NCKAP5: variants seen among roughly 807,000 people sequenced by gnomAD.
The protein encoded by NCKAP5 is NCK associated protein 5.
In NCKAP5, 92 loss-of-function variants were observed where a neutral mutation model predicts 167.0. The observed-to-expected ratio is 0.55, with a 90% CI of 0.47 to 0.66. NCKAP5 has a LOEUF of 0.66. Ranked by LOEUF, NCKAP5 falls within the 30% of genes least tolerant of loss-of-function variation. The probability of loss-of-function intolerance (pLI) is 0.00; values close to 1 mark genes in which losing one functional copy is unlikely to be tolerated. For missense variants in NCKAP5, 2,378 were observed against 2,315.0 expected (o/e 1.03, Z -0.56); for synonymous variants, 891 against 877.4 (o/e 1.02, Z -0.27).
chr2:132,974,106 A>G (rs2076909662), intron 7 of NCKAP5, among the ~76,000 whole-genome samples: 1 of 152,192 alleles, frequency 6.6e-6, no homozygotes, highest in Non-Finnish European at 1.5e-5. Flanking sequence ...GACTATCCTT[A>G]AATCTTAGCA....
intron 11 of NCKAP5, among the ~76,000 whole-genome samples, chr2:132,826,750 T>TC (rs1687150284): frequency 6.6e-6 from 1 of 152,086 alleles, no homozygotes; most frequent in South Asian, 2.1e-4. Flanking sequence ...ATCAAGCAGT[T>TC]TATAGATAGA....
the NCKAP5 span, among the ~76,000 whole-genome samples, chr2:133,642,357 G>A: frequency 1.3e-5 from 2 of 152,128 alleles, no homozygotes; most frequent in African/African-American, 4.8e-5. Flanking sequence ...CCAAACCATA[G>A]CACCTGGTTT....
At position 132,895,127 on chromosome 2, in the gene NCKAP5, G is replaced by T. The variant is rs113383818; in HGVS notation, c.580-16211C>A. ...CGGGCGGATCACAAGGTCAGGAGATGGAGACCTTCCTGGCTAACACGGTGA... is the reference window on the plus strand; with the variant it reads ...CGGGCGGATCACAAGGTCAGGAGATTGAGACCTTCCTGGCTAACACGGTGA... On this transcript the variant is annotated intron_variant, in intron 8 of 19. Transcript: ENST00000409261. Among the ~76,000 whole-genome samples, 35 of 151,784 alleles carry T rather than the reference G, an allele frequency of 2.3e-4. 1 individual carries two copies. Among genetic ancestry groups the T allele is most frequent in the Non-Finnish European group, 3.7e-4 (25 of 67,930 alleles).
chr2:133,175,811 C>G (rs190552323), intron 5 of NCKAP5, among the ~76,000 whole-genome samples: 1 of 152,286 alleles, frequency 6.6e-6, no homozygotes, highest in African/African-American at 2.4e-5. Context: ...TAATTCCCAA[C>G]AGCCCATTCT....
intron 3 of NCKAP5, among the ~76,000 whole-genome samples, chr2:133,309,810 T>C (rs991158005): frequency 6.6e-6 from 1 of 152,310 alleles, no homozygotes; most frequent in East Asian, 1.9e-4. Context: ...GATGTGAGGA[T>C]CTTAAGTATC....
At chr2:132,701,824 T>C (rs1447533823) in intron 19 of NCKAP5, among the ~76,000 whole-genome samples, 1 of 152,182 alleles carries the variant, frequency 6.6e-6, no homozygotes, top group African/African-American at 2.4e-5. Flanking sequence ...TCAAAGCACC[T>C]TTCTTTGGTC....
chr2:133,662,540 G>A, the NCKAP5 span, among the ~76,000 whole-genome samples: 1 of 149,922 alleles, frequency 6.7e-6, no homozygotes, highest in South Asian at 2.2e-4. Context: ...ATACAACTAT[G>A]GCATTTTGAT....
At chr2:133,400,334 G>A (rs137949431) in intron 3 of NCKAP5, among the ~76,000 whole-genome samples, 1 of 152,238 alleles carries the variant, frequency 6.6e-6, no homozygotes, top group East Asian at 1.9e-4. Context: ...CCTGGAGCCT[G>A]AGAATGGGAC....
chr2:132,851,121 C>T (rs1253355800), intron 11 of NCKAP5, among the ~76,000 whole-genome samples: 4 of 151,942 alleles, frequency 2.6e-5, no homozygotes, highest in South Asian at 2.1e-4. Context: ...GCTTTAAAGG[C>T]GGAAAAGTTT....
At chr2:133,570,428 T>C (rs551458908), upstream of NCKAP5, among the ~76,000 whole-genome samples, 3 of 152,300 alleles carry the variant, frequency 2.0e-5, no homozygotes, top group Admixed American at 6.5e-5. Context: ...GAGGTATTGA[T>C]TGAATGAATG....
At chr2:132,701,106 T>A (rs896482507) in intron 19 of NCKAP5, among the ~76,000 whole-genome samples, 1 of 151,770 alleles carries the variant, frequency 6.6e-6, no homozygotes, top group East Asian at 1.9e-4. Context: ...TATACATAGT[T>A]GGGATATACT....
intron 4 of NCKAP5, among the ~76,000 whole-genome samples, chr2:133,247,997 G>A (rs10496702): frequency 0.18 from 27,412 of 152,198 alleles, 3,000 homozygotes; most frequent in African/African-American, 0.32. Flanking sequence ...CATTACTGAT[G>A]AAGTGTTCAA....
intron 2 of NCKAP5, among the ~76,000 whole-genome samples, chr2:133,519,944 T>G (rs1398274157): frequency 6.6e-6 from 1 of 152,022 alleles, no homozygotes; most frequent in African/African-American, 2.4e-5. Context: ...TCCCAGCACT[T>G]TGGGAGACTG....
intron 2 of NCKAP5, among the ~76,000 whole-genome samples, chr2:133,530,300 AAT>A (rs1211853918): frequency 2.6e-5 from 4 of 151,820 alleles, no homozygotes; most frequent in African/African-American, 9.7e-5. Context: ...TCCTTGTGCC[AAT>A]ATCACACTGC....
At chr2:133,266,875 C>T (rs1025945228) in intron 4 of NCKAP5, among the ~76,000 whole-genome samples, 2 of 152,136 alleles carry the variant, frequency 1.3e-5, no homozygotes, top group South Asian at 2.1e-4. Context: ...TGGGAGCGCC[C>T]GGCGGGCGGC....
At chr2:133,265,865 TC>T (rs1049042394) in intron 4 of NCKAP5, among the ~76,000 whole-genome samples, 1 of 152,012 alleles carries the variant, frequency 6.6e-6, no homozygotes, top group Non-Finnish European at 1.5e-5. Context: ...CCCAATGGCC[TC>T]CCGGCCCGGG....
chr2:133,190,930 T>G (rs1473817830), intron 5 of NCKAP5, among the ~76,000 whole-genome samples: 1 of 151,988 alleles, frequency 6.6e-6, no homozygotes. Flanking sequence ...TGGGATCTCA[T>G]TAAACTAAAG....
intron 6 of NCKAP5, among the ~76,000 whole-genome samples, chr2:133,089,383 C>G (rs2081098086): frequency 6.6e-6 from 1 of 152,174 alleles, no homozygotes; most frequent in African/African-American, 2.4e-5. Flanking sequence ...TAATTTAATA[C>G]TGTTTGATTC....
At chr2:132,897,643 T>C (rs1693307638) in intron 8 of NCKAP5, among the ~76,000 whole-genome samples, 1 of 152,194 alleles carries the variant, frequency 6.6e-6, no homozygotes, top group South Asian at 2.1e-4. Context: ...AGTTTGATCA[T>C]GGATTCCAGA....
Sources: allele counts gnomAD v4.1 joint callset (sites outside exome capture counted in the v4.1 genomes callset), GRCh38; gene constraint gnomAD v4.1.1; transcripts MANE v1.5; gene names NCBI Gene and HGNC (gene_info 2026-07-23, HGNC 2026-07-21).